Variants in PTPRD observed in about 807,000 individuals in gnomAD.
PTPRD encodes protein tyrosine phosphatase receptor type D.
Under a neutral mutation model 214.5 loss-of-function variants are expected in PTPRD, and 34 were observed. The ratio of observed to expected loss-of-function variants is 0.16; its 90% CI spans 0.12 to 0.21. The LOEUF is 0.21. Ranked by LOEUF, PTPRD falls within the 10% of genes least tolerant of loss-of-function variation. The pLI is 1.00. For missense variants in PTPRD, 2,545 were observed against 2,398.7 expected, an observed-to-expected ratio of 1.06 and a Z score of -1.27; for synonymous variants, 1,128 against 845.7, an observed-to-expected ratio of 1.33 and a Z score of -5.79.
At chr9:10,579,452 T>C (rs892109471) in intron 2 of PTPRD, among the ~76,000 whole-genome samples, 1 of 152,182 alleles carries the variant, frequency 6.6e-6, no homozygotes, top group Admixed American at 6.5e-5. Context: ...GATTTTGTTC[T>C]TTTTTATGGC....
In PTPRD at chr9:9,333,504, T is replaced by TATATATATATATATATA. The variant is rs1555249397; in HGVS notation, c.-203+63944_-203+63945insTATATATATATATATAT. On this transcript the variant is annotated intron_variant, in intron 9 of 45. Coordinates refer to ENST00000381196, the MANE Select transcript of PTPRD (RefSeq NM_002839.4). ...TAAAACATATATATTATATAGTATA[T>TATATATATATATATATA]TATATATATATATATATATATAAAG... Among the ~76,000 whole-genome samples, 42 of 137,222 alleles carry TATATATATATATATATA rather than the reference T, an allele frequency of 3.1e-4. 2 individuals are homozygous for TATATATATATATATATA. The highest frequency in any genetic ancestry group is 1.2e-3 in the African/African-American group (40 of 34,280). The allele number at this position is 137,222 out of a possible 152,430, so 90.0% of individuals were successfully genotyped here.
intron 9 of PTPRD, among the ~76,000 whole-genome samples, chr9:9,318,212 C>G (rs1482689319): frequency 7.1e-6 from 1 of 140,190 alleles, no homozygotes; most frequent in African/African-American, 2.7e-5. Context: ...CAAACAAAAA[C>G]AAACAAAAAA....
intron 11 of PTPRD, among the ~76,000 whole-genome samples, chr9:8,985,379 C>A (rs2099336248): frequency 6.6e-6 from 1 of 151,982 alleles, no homozygotes; most frequent in South Asian, 2.1e-4. Flanking sequence ...GATACTTAAC[C>A]TTTAATAAAT....
chr9:8,355,644 A>G (rs1190523914), intron 39 of PTPRD, among the ~76,000 whole-genome samples: 1 of 152,188 alleles, frequency 6.6e-6, no homozygotes, highest in Non-Finnish European at 1.5e-5. Context: ...AACTCAATGG[A>G]TGCAAAATGG....
chr9:9,649,124 A>G (rs1238839583), intron 7 of PTPRD, among the ~76,000 whole-genome samples: 1 of 152,146 alleles, frequency 6.6e-6, no homozygotes, highest in Non-Finnish European at 1.5e-5. Flanking sequence ...AGGGTCTGTG[A>G]CTAATGAGAT....
intron 31 of PTPRD, among the ~76,000 whole-genome samples, chr9:8,469,940 G>C (rs912740028): frequency 6.6e-6 from 1 of 152,094 alleles, no homozygotes; most frequent in Non-Finnish European, 1.5e-5. Context: ...TGCAGACATA[G>C]ATATGAAATA....
intron 8 of PTPRD, among the ~76,000 whole-genome samples, chr9:9,549,110 A>C (rs2079553033): frequency 1.3e-5 from 2 of 152,158 alleles, no homozygotes; most frequent in Non-Finnish European, 2.9e-5. Context: ...AATATTTTTT[A>C]GATAAGAAAT....
intron 7 of PTPRD, among the ~76,000 whole-genome samples, chr9:9,592,064 T>C (rs1031769514): frequency 1.3e-5 from 2 of 152,068 alleles, no homozygotes; most frequent in South Asian, 4.1e-4. Flanking sequence ...GAAGTTTAGT[T>C]TTTTTCTTAA....
chr9:10,259,891 C>T (rs1456533690), intron 3 of PTPRD, among the ~76,000 whole-genome samples: 1 of 152,118 alleles, frequency 6.6e-6, no homozygotes, highest in Admixed American at 6.6e-5. Flanking sequence ...CATGAACTCC[C>T]TCTGTCATAC....
intron 3 of PTPRD, among the ~76,000 whole-genome samples, chr9:10,267,245 G>A (rs577036434): frequency 6.6e-6 from 1 of 151,720 alleles, no homozygotes; most frequent in East Asian, 1.9e-4. Flanking sequence ...GGAGCAGATG[G>A]AGTTACACCA....
intron 8 of PTPRD, among the ~76,000 whole-genome samples, chr9:9,573,273 G>T (rs889735049): frequency 6.6e-6 from 1 of 151,206 alleles, no homozygotes; most frequent in Non-Finnish European, 1.5e-5. Flanking sequence ...ACAGAAAAAG[G>T]AGCCTCCTTT....
intron 10 of PTPRD, among the ~76,000 whole-genome samples, chr9:9,163,155 G>T (rs1221302169): frequency 6.6e-6 from 1 of 152,040 alleles, no homozygotes; most frequent in East Asian, 1.9e-4. Flanking sequence ...GAAACCTTTG[G>T]TAAGTTTGTC....
intron 4 of PTPRD, among the ~76,000 whole-genome samples, chr9:9,955,753 G>C (rs543028998): frequency 4.1e-4 from 62 of 152,240 alleles, no homozygotes; most frequent in African/African-American, 1.5e-3. Flanking sequence ...TCGATCTCCT[G>C]ACCTCGTGAT....
chr9:8,680,633 C>G (rs980931535), intron 12 of PTPRD, among the ~76,000 whole-genome samples: 3 of 152,122 alleles, frequency 2.0e-5, no homozygotes, highest in Admixed American at 2.0e-4. Flanking sequence ...TATACACACA[C>G]AGCTACAATT....
intron 8 of PTPRD, among the ~76,000 whole-genome samples, chr9:9,528,203 C>T (rs1001897723): frequency 2.6e-5 from 4 of 152,064 alleles, no homozygotes; most frequent in South Asian, 2.1e-4. Flanking sequence ...TCTACCAAGC[C>T]TTTCACTGAG....
chr9:8,582,390 T>A (rs1381082876), intron 14 of PTPRD, among the ~76,000 whole-genome samples: 1 of 152,204 alleles, frequency 6.6e-6, no homozygotes, highest in Admixed American at 6.5e-5. Flanking sequence ...ATAAAGGAAA[T>A]CTAATACTGT....
intron 11 of PTPRD, among the ~76,000 whole-genome samples, chr9:9,002,421 G>A (rs2099427974): frequency 1.3e-5 from 2 of 151,768 alleles, no homozygotes; most frequent in African/African-American, 4.8e-5. Flanking sequence ...TTCAACAGAC[G>A]GATACACCAC....
At chr9:10,466,276 A>G (rs1012268917) in intron 2 of PTPRD, among the ~76,000 whole-genome samples, 4 of 152,154 alleles carry the variant, frequency 2.6e-5, no homozygotes, top group Admixed American at 2.6e-4. Context: ...TCAGTATTTG[A>G]ATGCAGGCAG....
intron 5 of PTPRD, among the ~76,000 whole-genome samples, chr9:9,836,191 A>G (rs900716830): frequency 4.6e-5 from 7 of 152,182 alleles, no homozygotes; most frequent in Middle Eastern, 3.2e-3. Flanking sequence ...CTCGTGGAAG[A>G]AACATATGGA....
Sources: allele counts gnomAD v4.1 joint callset (sites outside exome capture counted in the v4.1 genomes callset), GRCh38; gene constraint gnomAD v4.1.1; transcripts MANE v1.5; gene names NCBI Gene and HGNC (gene_info 2026-07-23, HGNC 2026-07-21).